INSL6: variants seen among roughly 807,000 people sequenced by gnomAD.
INSL6 encodes insulin like 6.
INSL6 carries 16 observed loss-of-function variants against 9.4 expected under a neutral mutation model. The observed-to-expected ratio is 1.70, with a 90% CI of 1.15 to 2.59. The LOEUF is 2.59. INSL6 is among the 30% of genes most tolerant of loss of function. INSL6 has a pLI of 0.00. For synonymous variants in INSL6, 154 were observed against 96.9 expected, an observed-to-expected ratio of 1.59 and a Z score of -3.46; for missense variants, 391 against 257.3, an observed-to-expected ratio of 1.52 and a Z score of -3.56.
the INSL6 span, among the ~76,000 whole-genome samples, chr9:5,043,053 C>G: frequency 6.6e-6 from 1 of 152,186 alleles, no homozygotes; most frequent in Non-Finnish European, 1.5e-5. Flanking sequence ...CGCGCGGGCT[C>G]GTGGCTTCCT....
downstream of INSL6, among the ~76,000 whole-genome samples, chr9:5,162,554 C>A (rs1360733930): frequency 6.6e-6 from 1 of 152,076 alleles, no homozygotes; most frequent in Non-Finnish European, 1.5e-5. Context: ...TGTATTTTAG[C>A]CAAAGCATAG....
the INSL6 span, among the ~76,000 whole-genome samples, chr9:5,017,655 T>G: frequency 2.0e-5 from 3 of 152,194 alleles, no homozygotes; most frequent in Non-Finnish European, 4.4e-5. Flanking sequence ...TTTGCTGCAT[T>G]TAATACTGAC....
Position 5,180,718 on chromosome 9 carries a change from C to G in INSL6, c.289+4596G>C, listed in dbSNP as rs529389200. Among the ~76,000 whole-genome samples the G allele has an allele frequency of 3.9e-5, 6 of 152,298 alleles. No homozygotes were observed. The South Asian group carries it at 6.2e-4, about 16-fold the overall frequency. On this transcript the variant is annotated intron_variant, in intron 1 of 1. Transcript: ENST00000381641. ...GTTTTCTGTTATTTAAGATGTTTAT[C>G]AAGACAATACATGCACCACTGAACA...
the INSL6 span, chr9:5,055,924 C>G: frequency 1.4e-6 from 1 of 719,296 alleles, no homozygotes; most frequent in Non-Finnish European, 2.2e-6. Context: ...AACATCAGTT[C>G]AGTAAACTTT....
intron 3 of INSL6, chr9:5,126,875 A>G: frequency 4.4e-6 from 3 of 683,542 alleles, no homozygotes; most frequent in Non-Finnish European, 2.4e-6. Context: ...ATTATTACAT[A>G]TATCATTATT....
At chr9:4,994,117 C>T in the INSL6 span, among the ~76,000 whole-genome samples, 1 of 152,140 alleles carries the variant, frequency 6.6e-6, no homozygotes, top group Non-Finnish European at 1.5e-5. Context: ...GTGTGTATAG[C>T]TCACATTTAT....
At chr9:5,084,427 G>C in the INSL6 span, among the ~76,000 whole-genome samples, 1 of 152,032 alleles carries the variant, frequency 6.6e-6, no homozygotes, top group African/African-American at 2.4e-5. Flanking sequence ...ATTAGCTACT[G>C]TATCCCTTTG....
At chr9:5,053,036 A>G in the INSL6 span, among the ~76,000 whole-genome samples, 4 of 152,034 alleles carry the variant, frequency 2.6e-5, no homozygotes, top group East Asian at 1.9e-4. Flanking sequence ...CCTGGAACAT[A>G]TGGTAACTGT....
At chr9:5,136,187 G>C (rs1017189335) in intron 2 of INSL6, among the ~76,000 whole-genome samples, 1 of 152,116 alleles carries the variant, frequency 6.6e-6, no homozygotes, top group Non-Finnish European at 1.5e-5. Context: ...AATTCTACCA[G>C]AGATGCAAAG....
the INSL6 span, among the ~76,000 whole-genome samples, chr9:5,076,927 A>G: frequency 3.4e-5 from 5 of 149,072 alleles, no homozygotes; most frequent in Non-Finnish European, 7.5e-5. Context: ...CTGGCAAAAT[A>G]TGTTTTATAT....
chr9:5,060,498 C>T, the INSL6 span, among the ~76,000 whole-genome samples: 2 of 152,188 alleles, frequency 1.3e-5, no homozygotes, highest in South Asian at 2.1e-4. Flanking sequence ...AGCATCTTCA[C>T]CCAGGACTAG....
chr9:5,135,675 G>C (rs1458528249), intron 2 of INSL6, among the ~76,000 whole-genome samples: 4 of 152,118 alleles, frequency 2.6e-5, no homozygotes, highest in African/African-American at 9.7e-5. Flanking sequence ...AAGCAGGAAA[G>C]AGCTAACATT....
At chr9:5,093,184 A>G in the INSL6 span, among the ~76,000 whole-genome samples, 8 of 152,238 alleles carry the variant, frequency 5.3e-5, no homozygotes, top group Non-Finnish European at 7.3e-5. Context: ...ATATTTTACA[A>G]TAAGCATCCT....
At chr9:4,995,123 A>G in the INSL6 span, among the ~76,000 whole-genome samples, 2 of 152,192 alleles carry the variant, frequency 1.3e-5, no homozygotes, top group Non-Finnish European at 2.9e-5. Context: ...CCAACTTGAG[A>G]CGTGAAAAAT....
intron 3 of INSL6, chr9:5,126,632 A>C: frequency 1.5e-6 from 2 of 1,293,436 alleles, no homozygotes; most frequent in Non-Finnish European, 2.2e-6. Flanking sequence ...TCCACCAATT[A>C]AAAGATGGCC....
chr9:5,169,302 G>T (rs10974987), intron 1 of INSL6, among the ~76,000 whole-genome samples: 55,344 of 152,030 alleles, frequency 0.36, 11,130 homozygotes, highest in African/African-American at 0.55. Context: ...AGAAATAAAG[G>T]ATTTTCCAAA....
intron 1 of INSL6, among the ~76,000 whole-genome samples, chr9:5,173,213 T>C (rs1825221088): frequency 6.6e-6 from 1 of 152,146 alleles, no homozygotes; most frequent in Admixed American, 6.5e-5. Context: ...GTGTGGTGAT[T>C]CCTCAAAGAT....
At chr9:5,147,994 A>G (rs1040057866) in intron 2 of INSL6, among the ~76,000 whole-genome samples, 1 of 152,168 alleles carries the variant, frequency 6.6e-6, no homozygotes, top group African/African-American at 2.4e-5. Flanking sequence ...CTCAATCTTG[A>G]TGAGCTTCCT....
chr9:5,050,946 C>T, the INSL6 span: 8 of 843,590 alleles, frequency 9.5e-6, no homozygotes, highest in Admixed American at 8.6e-5. Context: ...GTTAAGTACT[C>T]CTTATCTAAA....
Sources: gnomAD v4.1 joint callset for allele counts (sites outside exome capture counted in the v4.1 genomes callset) on GRCh38, gnomAD v4.1.1 for gene constraint, MANE v1.5 for transcripts, NCBI Gene and HGNC (gene_info 2026-07-23, HGNC 2026-07-21) for gene names.